DCTN1: variants seen among roughly 807,000 people sequenced by gnomAD.
The protein encoded by DCTN1 is 150 kDa dynein-associated polypeptide.
A neutral mutation model predicts 161.2 loss-of-function variants in DCTN1; 61 were observed. The ratio of observed to expected loss-of-function variants is 0.38; its 90% CI spans 0.31 to 0.47. The LOEUF (loss-of-function observed/expected upper bound fraction) is 0.47. Ranked by LOEUF, DCTN1 falls within the 20% of genes least tolerant of loss-of-function variation. The pLI is 0.99. For synonymous variants in DCTN1, 653 were observed against 632.4 expected (o/e 1.03, Z -0.49); for missense variants, 1,404 against 1,623.7 (o/e 0.86, Z 2.33).
intron 29 of DCTN1, 127 bp downstream of exon 29, chr2:74,362,867 A>G: frequency 7.5e-7 from 1 of 1,335,452 alleles, no homozygotes. Context: ...AACAAACTGA[A>G]CAGTGAAGCC....
At chr2:74,365,852 A>C in intron 24 of DCTN1, 41 bp downstream of exon 24, 1 of 1,613,816 alleles carries the variant, frequency 6.2e-7, no homozygotes, top group Non-Finnish European at 8.5e-7. Context: ...GAGTCCTACC[A>C]ATTTCCTGGC....
At chr2:74,389,585 G>A (rs1357674571) in intron 1 of DCTN1, among the ~76,000 whole-genome samples, 1 of 152,108 alleles carries the variant, frequency 6.6e-6, no homozygotes, top group Non-Finnish European at 1.5e-5. Flanking sequence ...TACCCTCATG[G>A]TCAGTCAGGC....
At chr2:74,361,770 G>T in intron 31 of DCTN1, 134 bp from the exon 32 acceptor site, 2 of 1,150,760 alleles carry the variant, frequency 1.7e-6, no homozygotes, top group South Asian at 1.3e-5. Context: ...GGGCTATTGT[G>T]ACCACATTTT....
At chr2:74,390,521 C>A (rs1675944319) in intron 1 of DCTN1, 1 of 370,398 alleles carries the variant, frequency 2.7e-6, no homozygotes, top group East Asian at 7.6e-5. Context: ...GATAACTCGA[C>A]TAGACTCACA....
At chr2:74,388,465 G>C (rs1675843740) in intron 1 of DCTN1, among the ~76,000 whole-genome samples, 1 of 152,194 alleles carries the variant, frequency 6.6e-6, no homozygotes, top group Non-Finnish European at 1.5e-5. Flanking sequence ...CAGCCACTTG[G>C]ATCTATCTGC....
At chr2:74,391,828 C>A in exon 1 of DCTN1, 1 of 453,944 alleles carries the variant, frequency 2.2e-6, no homozygotes, top group South Asian at 1.6e-5. Flanking sequence ...CAGCTCCGAC[C>A]CCACCGACGA....
At position 74,369,780 on chromosome 2, in the gene DCTN1, C is replaced by G. The variant is rs189187061; in HGVS notation, c.1392+185G>C. ...GTGAGCCGAGATTATTGCGCCACTG[C>G]GCTCCAGCCTGGCAACAGAGCGAGA... is the stretch of plus-strand genomic sequence containing the variant. On this transcript the variant is annotated intron_variant, in intron 13 of 31. Coordinates refer to ENST00000628224, the MANE Select transcript of DCTN1 (RefSeq NM_004082.5). The surrounding 1 kb of genome is among the most constrained non-coding windows in gnomAD (Gnocchi z 4.9). 6.8e-6 allele frequency among the ~76,000 whole-genome samples: 1 copy of G among 148,084 alleles called. No homozygotes were observed.
At position 74,365,218 on chromosome 2, in the gene DCTN1, G is replaced by A; in HGVS notation, c.3053C>T (p.Ala1018Val). 1.9e-6 allele frequency: 3 copies of A among 1,614,188 alleles called. No individual in the cohort carries two copies. The highest frequency in any genetic ancestry group is 2.5e-6 in the Non-Finnish European group (3 of 1,180,038). Residue 1018 changes from alanine to valine, a missense_variant, in exon 26 of 32, where the codon GCA becomes GTA. Transcript: ENST00000628224. ...CAGCTGGTCGATGTCAGCCTGGAGT[G>A]CATCCATTGTCTCCTCAAACTCTCT... ...KEKEFEETMD[A>V]LQADIDQLEA...
chr2:74,370,252 T>A lies in DCTN1; in HGVS notation c.1221A>T (p.Gln407His). ...GCTCCTCCTGCAGACGCTCCCGCTG[T>A]TGCCTCACAACTTCCAGCTCTTGGT... ...KKNQELEVVR[Q>H]QRERLQEELS... The change falls in exon 12 of 32, where the codon CAA (glutamine) becomes CAT (histidine). Residue 407 changes from glutamine to histidine, a missense_variant. This residue lies in a region of DCTN1 where 278 missense variants were observed against 363.8 expected (regional missense o/e 0.76). Transcript: ENST00000628224. This position sits in a 1 kb window ranked among gnomAD's most constrained non-coding sequence, Gnocchi z 4.4. The A allele has an allele frequency of 6.2e-7, 1 of 1,614,098 alleles. No homozygotes were observed. Among genetic ancestry groups the A allele is most frequent in the Non-Finnish European group, 8.5e-7 (1 of 1,180,042 alleles).
rs1178777383 is a variant in DCTN1, at chr2:74,370,664, G to A, written c.1005C>T (p.Leu335=). The change falls in exon 10 of 32, where the codon CTC becomes CTT. Residue 335 remains leucine, a synonymous_variant. Coordinates refer to ENST00000628224, the MANE Select transcript of DCTN1 (RefSeq NM_004082.5). This position sits in a 1 kb window ranked among gnomAD's most constrained non-coding sequence, Gnocchi z 4.4. Reference sequence around the variant, plus strand: ...CCTTGAGGATCTCTAAGTCAGTAGTGAGCTCGTCCACCCGCTCCTTCAGTG... The same window carrying A: ...CCTTGAGGATCTCTAAGTCAGTAGTAAGCTCGTCCACCCGCTCCTTCAGTG... The part of the protein sequence containing the change: ...VEALKERVDE[L]TTDLEILKAE... 1.2e-6 allele frequency: 2 copies of A among 1,614,156 alleles called. No individual in the cohort carries two copies. The highest frequency in any genetic ancestry group is 1.7e-5 in the Admixed American group (1 of 60,016).
intron 1 of DCTN1, among the ~76,000 whole-genome samples, chr2:74,389,050 G>A (rs944388613): frequency 3.3e-5 from 5 of 152,140 alleles, no homozygotes; most frequent in African/African-American, 7.2e-5. Context: ...TATACTTTCA[G>A]GGTAAAAGAA....
intron 24 of DCTN1, 35 bp downstream of exon 24, chr2:74,365,858 C>T (rs1251988493): frequency 8.7e-6 from 14 of 1,614,130 alleles, no homozygotes; most frequent in East Asian, 2.2e-5. Context: ...TACCAATTTC[C>T]TGGCCCCCAG....
chr2:74,368,927 C>T (rs1367239125), intron 15 of DCTN1, 47 bp from the exon 16 acceptor site: 1 of 1,609,164 alleles, frequency 6.2e-7, no homozygotes, highest in Non-Finnish European at 8.5e-7. Flanking sequence ...GCTGAAAGAG[C>T]CCCAAAATTC....
chr2:74,365,700 C>G (rs376823978), intron 24 of DCTN1, 43 bp from the exon 25 acceptor site: 239 of 1,613,774 alleles, frequency 1.5e-4, no homozygotes, highest in Non-Finnish European at 1.8e-4. Flanking sequence ...ATCCTCCCCA[C>G]AGTCCCTGGA....
chr2:74,382,639 T>C (rs1294789797), upstream of DCTN1, among the ~76,000 whole-genome samples: 1 of 147,234 alleles, frequency 6.8e-6, no homozygotes, highest in Non-Finnish European at 1.5e-5. Flanking sequence ...ACAGAAATTA[T>C]AGAACTGCAA....
intron 7 of DCTN1, among the ~76,000 whole-genome samples, chr2:74,372,326 T>C (rs1674925183): frequency 1.3e-5 from 2 of 152,162 alleles, no homozygotes; most frequent in African/African-American, 2.4e-5. Flanking sequence ...AAGGTGAAAG[T>C]TGTACCCCTA....
chr2:74,370,379 G>A lies in DCTN1; in HGVS notation c.1128-34C>T, dbSNP rs1049487750. On this transcript the variant is annotated intron_variant, in intron 11 of 31. Coordinates refer to ENST00000628224, the MANE Select transcript of DCTN1 (RefSeq NM_004082.5). This position sits in a 1 kb window ranked among gnomAD's most constrained non-coding sequence, Gnocchi z 4.4. ...ATGTGAGGAAGGCAGAAGGAGGAAA[G>A]CACGTGTCAGAGTCTCTGGCGATGG... 10 of 1,613,910 alleles carry A rather than the reference G, an allele frequency of 6.2e-6. No individual in the cohort carries two copies. Among genetic ancestry groups the A allele is most frequent in the Admixed American group, 1.7e-5 (1 of 60,012 alleles).
At chr2:74,377,906 G>GCCCA (rs879066058) in intron 2 of DCTN1, 94 bp downstream of exon 2, 2 of 1,563,470 alleles carry the variant, frequency 1.3e-6, no homozygotes, top group South Asian at 2.3e-5. Flanking sequence ...AGAGGCTTAT[G>GCCCA]CCCATGCTCA....
intron 2 of DCTN1, 126 bp downstream of exon 2, chr2:74,377,874 A>G: frequency 2.0e-6 from 3 of 1,483,934 alleles, no homozygotes; most frequent in Non-Finnish European, 9.3e-7. Flanking sequence ...TCCCTCCCCC[A>G]CTACCTTCCA....
Sources: gnomAD v4.1 joint callset for allele counts (sites outside exome capture counted in the v4.1 genomes callset) on GRCh38, gnomAD v4.1.1 for gene constraint, gnomAD v4.1.1 regional missense constraint, Gnocchi (gnomAD v3.1) non-coding constraint, MANE v1.5 for transcripts, NCBI Gene and HGNC (gene_info 2026-07-23, HGNC 2026-07-21) for gene names.